The following RAB38 variants were observed in gnomAD, a reference collection of about 807,000 sequenced individuals.
RAB38 encodes the protein RAB38, member RAS oncogene family.
RAB38 carries 15 observed loss-of-function variants against 18.4 expected under a neutral mutation model. That is an observed-to-expected ratio of 0.82 (90% CI 0.55 to 1.26). The LOEUF (loss-of-function observed/expected upper bound fraction) is 1.26, where lower values mean the gene tolerates loss of function less well. Ranked by LOEUF, RAB38 falls within the 50% of genes most tolerant of loss-of-function variation. The pLI, the probability that RAB38 is intolerant of heterozygous loss-of-function variation, is 0.00. For missense variants in RAB38, 294 were observed against 267.4 expected (o/e 1.10, Z -0.69); for synonymous variants, 101 against 104.4 (o/e 0.97, Z 0.20).
At chr11:87,811,938 T>C in the RAB38 span, among the ~76,000 whole-genome samples, 2 of 152,218 alleles carry the variant, frequency 1.3e-5, no homozygotes, top group African/African-American at 4.8e-5. Flanking sequence ...GTAATTTTAG[T>C]GAGCCATCTG....
At chr11:87,863,992 C>T in the RAB38 span, among the ~76,000 whole-genome samples, 1 of 151,666 alleles carries the variant, frequency 6.6e-6, no homozygotes, top group African/African-American at 2.4e-5. Flanking sequence ...GCAGATGAAC[C>T]TAGTAGAGCT....
the RAB38 span, among the ~76,000 whole-genome samples, chr11:87,972,190 G>A: frequency 3.9e-5 from 6 of 151,978 alleles, no homozygotes; most frequent in Non-Finnish European, 5.9e-5. Context: ...TATTTATAAG[G>A]TGCCCCACAC....
the RAB38 span, among the ~76,000 whole-genome samples, chr11:87,819,571 G>A: frequency 6.6e-6 from 1 of 151,382 alleles, no homozygotes; most frequent in African/African-American, 2.4e-5. Flanking sequence ...TTCCCCTGTA[G>A]ATTATGCCAC....
chr11:88,155,118 A>G (rs1452427484), intron 1 of RAB38, among the ~76,000 whole-genome samples: 3 of 152,206 alleles, frequency 2.0e-5, no homozygotes, highest in Non-Finnish European at 2.9e-5. Flanking sequence ...CACACTTGGT[A>G]GCTGCCCCCC....
intron 2 of RAB38, among the ~76,000 whole-genome samples, chr11:88,120,334 T>A (rs1357744279): frequency 6.6e-6 from 1 of 152,166 alleles, no homozygotes; most frequent in Non-Finnish European, 1.5e-5. Context: ...CTCTTTCTCT[T>A]CTCCTTGCTC....
the RAB38 span, among the ~76,000 whole-genome samples, chr11:87,922,522 T>C: frequency 9.9e-5 from 15 of 151,982 alleles, no homozygotes; most frequent in African/African-American, 3.6e-4. Context: ...ATATTCATAT[T>C]TGACAAGTCA....
At chr11:87,968,761 C>T in the RAB38 span, among the ~76,000 whole-genome samples, 1 of 151,984 alleles carries the variant, frequency 6.6e-6, no homozygotes, top group Non-Finnish European at 1.5e-5. Flanking sequence ...AGACTTGTAA[C>T]AAAGAGTTGA....
Position 88,171,358 on chromosome 11 carries a change from T to C in RAB38, c.202+3825A>G, listed in dbSNP as rs1372493438. ...ACCTATACCCTGAGGACAGTGATAA[T>C]AAACCTTTTGCTTACAGAGACTACA... On this transcript the variant is annotated intron_variant, in intron 1 of 2. Transcript: ENST00000243662. Among the ~76,000 whole-genome samples, 4 of 152,148 alleles carry C rather than the reference T, an allele frequency of 2.6e-5. 1 individual carries two copies. Among genetic ancestry groups the C allele is most frequent in the Admixed American group, 2.6e-4 (4 of 15,276 alleles).
At chr11:87,851,773 T>C in the RAB38 span, among the ~76,000 whole-genome samples, 1 of 152,272 alleles carries the variant, frequency 6.6e-6, no homozygotes, top group East Asian at 1.9e-4. Context: ...GGAACTCTGC[T>C]ACCTGGAAGT....
chr11:88,045,185 G>A, the RAB38 span, among the ~76,000 whole-genome samples: 1 of 152,080 alleles, frequency 6.6e-6, no homozygotes, highest in Admixed American at 6.5e-5. Flanking sequence ...TTCTCAACAT[G>A]CATTTTATTT....
the RAB38 span, among the ~76,000 whole-genome samples, chr11:87,931,434 C>T: frequency 6.6e-6 from 1 of 151,898 alleles, no homozygotes; most frequent in Non-Finnish European, 1.5e-5. Flanking sequence ...TGATGCTTTG[C>T]ACTAGGTTGG....
At chr11:88,139,765 C>A (rs1942882931) in intron 2 of RAB38, among the ~76,000 whole-genome samples, 1 of 152,194 alleles carries the variant, frequency 6.6e-6, no homozygotes, top group Non-Finnish European at 1.5e-5. Flanking sequence ...TTACCAAGCT[C>A]TTTACATGTC....
the RAB38 span, among the ~76,000 whole-genome samples, chr11:87,869,575 ATTG>A: frequency 0.033 from 4,971 of 151,772 alleles, 218 homozygotes; most frequent in Admixed American, 0.13. Context: ...GTGGAGTGCT[ATTG>A]TTGAAAAAGT....
the RAB38 span, among the ~76,000 whole-genome samples, chr11:87,865,362 A>C: frequency 6.6e-6 from 1 of 151,710 alleles, no homozygotes; most frequent in East Asian, 1.9e-4. Flanking sequence ...AGAAGGAAAA[A>C]ATAAAAGGAA....
chr11:88,118,108 G>C (rs1157720739), intron 2 of RAB38, among the ~76,000 whole-genome samples: 1 of 152,176 alleles, frequency 6.6e-6, no homozygotes, highest in African/African-American at 2.4e-5. Context: ...ACTGTTTAAA[G>C]CACAAGCTTG....
rs543391740 is a variant in RAB38, at chr11:88,159,504, T to TA, written c.203-9550dup. Among the ~76,000 whole-genome samples the TA allele has an allele frequency of 4.1e-3, 617 of 151,248 alleles. 2 individuals carry two copies. The highest frequency in any genetic ancestry group is 0.014 in the African/African-American group (590 of 41,268). ...AACTATCCTAAAATTCTTATGGAATTAAAAAAAAGACCAATAGCCAAAGTA... is the reference window on the plus strand; with the variant it reads ...AACTATCCTAAAATTCTTATGGAATTAAAAAAAAAGACCAATAGCCAAAGTA... On this transcript the variant is annotated intron_variant, in intron 1 of 2. Coordinates refer to ENST00000243662, the MANE Select transcript of RAB38 (RefSeq NM_022337.3).
intron 1 of RAB38, among the ~76,000 whole-genome samples, chr11:88,153,601 A>G (rs1191866118): frequency 2.0e-5 from 3 of 152,088 alleles, no homozygotes; most frequent in Non-Finnish European, 4.4e-5. Context: ...TCTCTCCCCA[A>G]ATATAAACAT....
At chr11:87,830,752 T>C in the RAB38 span, among the ~76,000 whole-genome samples, 1 of 152,130 alleles carries the variant, frequency 6.6e-6, no homozygotes, top group East Asian at 1.9e-4. Context: ...CCCATCATTT[T>C]ATAGATAAGG....
intron 2 of RAB38, among the ~76,000 whole-genome samples, chr11:88,145,899 T>C (rs1942979821): frequency 6.6e-6 from 1 of 152,278 alleles, no homozygotes; most frequent in Admixed American, 6.5e-5. Flanking sequence ...ACCCCAATTA[T>C]ACATCACCTA....
Sources: allele counts gnomAD v4.1 joint callset (sites outside exome capture counted in the v4.1 genomes callset), GRCh38; gene constraint gnomAD v4.1.1; transcripts MANE v1.5; gene names NCBI Gene and HGNC (gene_info 2026-07-23, HGNC 2026-07-21).